The following LSM6 variants were observed in gnomAD, a reference collection of about 807,000 sequenced individuals.
LSM6 encodes the protein LSM6 homolog, U6 small nuclear RNA and mRNA degradation associated.
In LSM6, 2 loss-of-function variants were observed where a neutral mutation model predicts 13.5. The ratio of observed to expected loss-of-function variants is 0.15; its 90% CI spans 0.06 to 0.47. The LOEUF is 0.47. LSM6 is among the 20% of genes least tolerant of loss of function. LSM6 has a pLI of 0.97. For missense variants in LSM6, 58 were observed against 96.4 expected, an observed-to-expected ratio of 0.60 and a Z score of 1.67; for synonymous variants, 43 against 34.9, an observed-to-expected ratio of 1.23 and a Z score of -0.82.
chr4:146,187,666 A>G, intron 3 of LSM6: 1 of 268,902 alleles, frequency 3.7e-6, no homozygotes, highest in East Asian at 7.8e-5. Flanking sequence ...AGTGTAGTAT[A>G]TCTCCCCAAC....
intron 1 of LSM6, among the ~76,000 whole-genome samples, chr4:146,178,533 G>A (rs190609311): frequency 9.8e-5 from 15 of 152,304 alleles, no homozygotes; most frequent in African/African-American, 3.6e-4. Context: ...TTAGTCTAGT[G>A]CTGCAATTAC....
At chr4:146,180,713 ATAGCTACTTT>A (rs1240444984) in intron 1 of LSM6, 6 of 152,210 alleles carry the variant, frequency 3.9e-5, no homozygotes, top group Non-Finnish European at 8.8e-5. Context: ...TTAACACAAA[ATAGCTACTTT>A]TATCTCAGTT....
chr4:146,187,270 G>A lies in LSM6; in HGVS notation c.95-4G>A, dbSNP rs757098228. 10 of 1,566,618 alleles carry A rather than the reference G, an allele frequency of 6.4e-6. No individual in the cohort carries two copies. The Admixed American group carries it at 1.7e-4, about 26-fold the overall frequency. On this transcript the variant is annotated splice_polypyrimidine_tract_variant and splice_region_variant and intron_variant, in intron 2 of 3. Coordinates refer to ENST00000296581, the MANE Select transcript of LSM6 (RefSeq NM_007080.3). ...ATCTTCTTTTTGACTAAATATGTCT[G>A]CAGGGGTCCTGGCTTGCCTGGATGG...
rs1262937790 is a variant in LSM6, at chr4:146,190,359, C to T, written c.*703C>T. 1 of 152,346 alleles carries T rather than the reference C, an allele frequency of 6.6e-6. No homozygotes were observed. Among genetic ancestry groups the T allele is most frequent in the Non-Finnish European group, 1.5e-5 (1 of 68,152 alleles). The allele number at this position is 152,346 out of a possible 1,614,324, so 9.4% of individuals were successfully genotyped here. On this transcript the variant is annotated 3_prime_UTR_variant, in exon 4 of 4. Transcript: ENST00000296581. ...TAGACTTTTTAGGTTTCCCTGCTCC[C>T]TTTCAGGAGCATTGGCATCAACGTT...
chr4:146,178,056 C>T (rs1251165609), intron 1 of LSM6, among the ~76,000 whole-genome samples: 1 of 152,180 alleles, frequency 6.6e-6, no homozygotes, highest in African/African-American at 2.4e-5. Flanking sequence ...GTTTTTGGTG[C>T]TCATAATAGA....
rs150096533 is a variant in LSM6 at position 146,179,834 on chromosome 4, G to A, written c.-10-3078G>A. Among the ~76,000 whole-genome samples, 537 of 152,292 alleles carry A rather than the reference G, an allele frequency of 3.5e-3. 5 individuals are homozygous for A. The Middle Eastern group carries it at 0.041, about 12-fold the overall frequency. Reference sequence around the variant, plus strand: ...CTTAAAACCCCTGTTTCCTATCATTGACAACAGTATTTCCCCTTGCCAGTT... The same window carrying A: ...CTTAAAACCCCTGTTTCCTATCATTAACAACAGTATTTCCCCTTGCCAGTT... On this transcript the variant is annotated intron_variant, in intron 1 of 3. Coordinates refer to ENST00000296581, the MANE Select transcript of LSM6 (RefSeq NM_007080.3).
At chr4:146,186,113 A>G (rs1466346620) in intron 2 of LSM6, among the ~76,000 whole-genome samples, 1 of 152,160 alleles carries the variant, frequency 6.6e-6, no homozygotes, top group African/African-American at 2.4e-5. Flanking sequence ...TTTCTTGCTC[A>G]TTTATAATTG....
At chr4:146,185,978 C>A (rs991154764) in intron 2 of LSM6, among the ~76,000 whole-genome samples, 2 of 152,184 alleles carry the variant, frequency 1.3e-5, no homozygotes, top group East Asian at 1.9e-4. Context: ...CTCAAGTGAT[C>A]TGCCAGCTTC....
chr4:146,177,658 A>G (rs1378204818), intron 1 of LSM6, among the ~76,000 whole-genome samples: 1 of 151,804 alleles, frequency 6.6e-6, no homozygotes, highest in Non-Finnish European at 1.5e-5. Context: ...TTATTTTTTT[A>G]TTTAGGGCTT....
At chr4:146,186,426 A>AT (rs148859395) in intron 2 of LSM6, among the ~76,000 whole-genome samples, 2,825 of 151,862 alleles carry the variant, frequency 0.019, 101 homozygotes, top group African/African-American at 0.066. Context: ...TTTTACTTAA[A>AT]TTTTTTTTTC....
At chr4:146,176,158 A>T (rs6858813) in intron 1 of LSM6, 44,618 of 152,250 alleles carry the variant, frequency 0.29, 6,910 homozygotes, top group Middle Eastern at 0.37. Context: ...AGGTTGTTGA[A>T]GTTCCCCAGG....
At chr4:146,175,898 G>C (rs1730093298) in intron 1 of LSM6, 87 bp downstream of exon 1, 1 of 152,384 alleles carries the variant, frequency 6.6e-6, no homozygotes, top group Non-Finnish European at 1.5e-5. Flanking sequence ...CTGTGGAGCG[G>C]CGGCTGCAGC....
chr4:146,187,627 C>T, intron 3 of LSM6: 1 of 375,814 alleles, frequency 2.7e-6, no homozygotes, highest in Non-Finnish European at 4.9e-6. Flanking sequence ...CATTGTTCTC[C>T]TTACCTGGAA....
intron 3 of LSM6, among the ~76,000 whole-genome samples, chr4:146,188,259 C>T (rs896811708): frequency 2.0e-5 from 3 of 151,940 alleles, no homozygotes; most frequent in Admixed American, 2.0e-4. Context: ...TTTTCATATC[C>T]TTATTTGACC....
chr4:146,183,186 A>G (rs553636756), intron 2 of LSM6, 171 bp downstream of exon 2: 8 of 509,976 alleles, frequency 1.6e-5, no homozygotes, highest in Non-Finnish European at 1.4e-5. Flanking sequence ...TAGAAGGACA[A>G]CTCTGACAGT....
intron 2 of LSM6, 131 bp downstream of exon 2, chr4:146,183,146 A>G (rs760945731): frequency 6.8e-6 from 4 of 586,114 alleles, no homozygotes; most frequent in Admixed American, 2.8e-5. Context: ...TTATGCATAT[A>G]TCTTTTTCTA....
At chr4:146,185,804 T>C (rs1256212248) in intron 2 of LSM6, among the ~76,000 whole-genome samples, 3 of 152,144 alleles carry the variant, frequency 2.0e-5, no homozygotes, top group African/African-American at 4.8e-5. Context: ...TGGCTCAGTC[T>C]TGGCTCACTG....
intron 3 of LSM6, 42 bp downstream of exon 3, chr4:146,187,429 C>A: frequency 8.0e-7 from 1 of 1,245,740 alleles, no homozygotes; most frequent in Non-Finnish European, 1.2e-6. Flanking sequence ...CAAAATAAGC[C>A]TTTCTATTTA....
At chr4:146,186,564 T>A (rs1730354205) in intron 2 of LSM6, among the ~76,000 whole-genome samples, 1 of 152,246 alleles carries the variant, frequency 6.6e-6, no homozygotes, top group Admixed American at 6.5e-5. Context: ...TGACTCAAAC[T>A]GTTTCCTTGA....
Sources: gnomAD v4.1 joint callset for allele counts (sites outside exome capture counted in the v4.1 genomes callset) on GRCh38, gnomAD v4.1.1 for gene constraint, MANE v1.5 for transcripts, NCBI Gene and HGNC (gene_info 2026-07-23, HGNC 2026-07-21) for gene names.